AGMO: variants seen among roughly 807,000 people sequenced by gnomAD.
AGMO encodes the protein glyceryl-ether monooxygenase.
AGMO carries 75 observed loss-of-function variants against 60.2 expected under a neutral mutation model. The observed-to-expected ratio is 1.25, with a 90% CI of 1.03 to 1.51. AGMO has a LOEUF of 1.51. AGMO is among the 40% of genes most tolerant of loss of function. The pLI, the probability that AGMO is intolerant of heterozygous loss-of-function variation, is 0.00. For missense variants in AGMO, 763 were observed against 525.5 expected (o/e 1.45, Z -4.42); for synonymous variants, 261 against 177.1 (o/e 1.47, Z -3.76).
chr7:15,238,482 G>C (rs1017222271), intron 12 of AGMO, among the ~76,000 whole-genome samples: 1 of 151,648 alleles, frequency 6.6e-6, no homozygotes, highest in East Asian at 1.9e-4. Flanking sequence ...ATCCTGATTT[G>C]ATCATTATAC....
intron 10 of AGMO, among the ~76,000 whole-genome samples, chr7:15,368,442 T>C (rs1783071333): frequency 6.6e-6 from 1 of 152,130 alleles, no homozygotes; most frequent in African/African-American, 2.4e-5. Flanking sequence ...TCAAAATCTG[T>C]AGTATGATTG....
the AGMO span, among the ~76,000 whole-genome samples, chr7:15,165,701 T>C: frequency 7.2e-5 from 11 of 152,264 alleles, no homozygotes; most frequent in Non-Finnish European, 1.5e-4. Flanking sequence ...TAAATGAATA[T>C]GACATATAAT....
chr7:15,453,074 G>T (rs774426260), intron 3 of AGMO, among the ~76,000 whole-genome samples: 1 of 151,720 alleles, frequency 6.6e-6, no homozygotes, highest in Non-Finnish European at 1.5e-5. Flanking sequence ...GGGAGGGAGG[G>T]GAAATGGGAA....
chr7:15,552,040 G>C (rs1424721412), intron 2 of AGMO, among the ~76,000 whole-genome samples: 1 of 151,998 alleles, frequency 6.6e-6, no homozygotes, highest in Non-Finnish European at 1.5e-5. Flanking sequence ...TCTGATCTTT[G>C]ACAAACCTGA....
intron 12 of AGMO, among the ~76,000 whole-genome samples, chr7:15,204,092 C>T (rs935859350): frequency 6.6e-6 from 1 of 152,018 alleles, no homozygotes; most frequent in Non-Finnish European, 1.5e-5. Context: ...TTCACCATTC[C>T]ATTAGAAAAT....
In AGMO at chr7:15,514,902, G is replaced by A. The variant is rs544682126; in HGVS notation, c.409+29870C>T. Among the ~76,000 whole-genome samples, 12 of 152,262 alleles carry A rather than the reference G, an allele frequency of 7.9e-5. No individual in the cohort carries two copies. The East Asian group carries it at 1.5e-3, about 20-fold the overall frequency. On this transcript the variant is annotated intron_variant, in intron 3 of 12. Transcript: ENST00000342526. ...TGTGCTCAAACACAAATAAGGGAAG[G>A]AGAGAAGCTACATCATCTATGTTAG... is the stretch of plus-strand genomic sequence containing the variant.
rs78079141 is a variant in AGMO at position 15,245,004 on chromosome 7, T to C, written c.1264-43645A>G. Among the ~76,000 whole-genome samples, 74 of 152,230 alleles carry C rather than the reference T, an allele frequency of 4.9e-4. 2 individuals are homozygous for C. In the East Asian group the frequency reaches 0.013, roughly 27 times the overall value. On this transcript the variant is annotated intron_variant, in intron 12 of 12. Transcript: ENST00000342526. The stretch of plus-strand genomic sequence containing the variant: ...ATGTGTAACTAATTGACTTAGTATC[T>C]TGGAAAAAATACATATCTCATTCTT...
intron 12 of AGMO, among the ~76,000 whole-genome samples, chr7:15,356,662 T>C (rs1026423273): frequency 6.6e-6 from 1 of 152,030 alleles, no homozygotes; most frequent in Non-Finnish European, 1.5e-5. Context: ...ACTGGTATTA[T>C]ATAATTTTAT....
chr7:15,219,497 T>A (rs1781849478), intron 12 of AGMO, among the ~76,000 whole-genome samples: 1 of 152,174 alleles, frequency 6.6e-6, no homozygotes, highest in Admixed American at 6.5e-5. Context: ...AAGACAATTT[T>A]TTTTTTTAAA....
At chr7:15,419,675 T>G (rs896799497) in intron 4 of AGMO, among the ~76,000 whole-genome samples, 1 of 52,616 alleles carries the variant, frequency 1.9e-5, no homozygotes, top group African/African-American at 6.4e-5. Context: ...AAGTAGAATG[T>G]TTTTTTTTTA....
At chr7:15,201,505 C>G (rs78449739) in intron 12 of AGMO, 146 bp from the exon 13 acceptor site, 126 of 585,612 alleles carry the variant, frequency 2.2e-4, no homozygotes, top group Middle Eastern at 4.7e-4. Context: ...CAATTGTTCA[C>G]TGATAGAACT....
At chr7:15,151,718 T>C in the AGMO span, among the ~76,000 whole-genome samples, 2 of 152,140 alleles carry the variant, frequency 1.3e-5, no homozygotes, top group Non-Finnish European at 2.9e-5. Context: ...GGAATTGCTT[T>C]ATGGCAGAAC....
chr7:15,448,216 G>T (rs1442752064), intron 3 of AGMO, among the ~76,000 whole-genome samples: 1 of 152,170 alleles, frequency 6.6e-6, no homozygotes, highest in Non-Finnish European at 1.5e-5. Context: ...CGTATTTGCA[G>T]ATGGGGCATT....
At chr7:15,270,255 G>A (rs1783554929) in intron 12 of AGMO, among the ~76,000 whole-genome samples, 1 of 151,920 alleles carries the variant, frequency 6.6e-6, no homozygotes, top group Non-Finnish European at 1.5e-5. Context: ...CCTTTTCTCT[G>A]CAACTACGCC....
At chr7:15,173,989 G>A in the AGMO span, among the ~76,000 whole-genome samples, 1 of 151,884 alleles carries the variant, frequency 6.6e-6, no homozygotes. Context: ...ATGACATGAA[G>A]AATATGACCC....
Position 15,232,638 on chromosome 7 carries a change from G to A in AGMO, c.1264-31279C>T, listed in dbSNP as rs183665353. On this transcript the variant is annotated intron_variant, in intron 12 of 12. Coordinates refer to ENST00000342526, the MANE Select transcript of AGMO (RefSeq NM_001004320.2). ...CTATGCTAAAATTTAAAGAATGTGTGCTACACAGCCATGAATAAAACATCT... is the reference window on the plus strand; with the variant it reads ...CTATGCTAAAATTTAAAGAATGTGTACTACACAGCCATGAATAAAACATCT... 1.2e-4 allele frequency among the ~76,000 whole-genome samples: 18 copies of A among 152,196 alleles called. No homozygotes were observed. In the East Asian group the frequency reaches 3.5e-3, roughly 29 times the overall value.
At chr7:15,179,616 G>T in the AGMO span, among the ~76,000 whole-genome samples, 1 of 152,104 alleles carries the variant, frequency 6.6e-6, no homozygotes, top group East Asian at 1.9e-4. Flanking sequence ...CTCTTGGGTT[G>T]AAGTTGCACA....
chr7:15,539,502 T>C (rs1171562123), intron 3 of AGMO, among the ~76,000 whole-genome samples: 1 of 152,176 alleles, frequency 6.6e-6, no homozygotes, highest in African/African-American at 2.4e-5. Flanking sequence ...TAGTATTCCA[T>C]AGTGTATATA....
rs766074394 is a variant in AGMO at position 15,544,862 on chromosome 7, A to C, written c.319T>G (p.Phe107Val). 6.8e-6 allele frequency: 11 copies of C among 1,607,388 alleles called. No homozygotes were observed. Among genetic ancestry groups the C allele is most frequent in the Non-Finnish European group, 9.4e-6 (11 of 1,176,348 alleles). The part of the protein sequence containing the change: ...YIYIWENYRL[F>V]NLPWDSPWTW... ...CATGGAGAATCCCAAGGCAAATTGA[A>C]CAGCCTGTAGTTCTCCCAGATATAA... Residue 107 changes from phenylalanine (F) to valine (V), a missense_variant, in exon 3 of 13, where the codon TTC becomes GTC. By Grantham distance (50) the Phe-to-Val change is conservative. Coordinates refer to ENST00000342526, the MANE Select transcript of AGMO (RefSeq NM_001004320.2).
Sources: allele counts gnomAD v4.1 joint callset (sites outside exome capture counted in the v4.1 genomes callset), GRCh38; gene constraint gnomAD v4.1.1; transcripts MANE v1.5; gene names NCBI Gene and HGNC (gene_info 2026-07-23, HGNC 2026-07-21).